NELL1: variants seen among roughly 807,000 people sequenced by gnomAD.
NELL1 encodes neural EGFL like 1, also known as protein kinase C-binding protein NELL1.
Under a neutral mutation model 107.4 loss-of-function variants are expected in NELL1, and 76 were observed. The observed-to-expected ratio is 0.71, with a 90% CI of 0.59 to 0.86. NELL1 has a LOEUF of 0.86. Among genes scored for constraint, NELL1 ranks in the 40% least tolerant of loss-of-function variants. The pLI is 0.00. For missense variants in NELL1, 1,024 were observed against 1,005.5 expected (o/e 1.02, Z -0.25); for synonymous variants, 353 against 341.2 (o/e 1.03, Z -0.38).
intron 14 of NELL1, among the ~76,000 whole-genome samples, chr11:21,265,729 G>A (rs1164685332): frequency 6.6e-6 from 1 of 151,872 alleles, no homozygotes; most frequent in East Asian, 1.9e-4. Flanking sequence ...ATAGTCTTGG[G>A]TTCTTAAAAC....
At chr11:20,815,494 T>A (rs1469147113) in intron 3 of NELL1, among the ~76,000 whole-genome samples, 1 of 152,186 alleles carries the variant, frequency 6.6e-6, no homozygotes, top group Non-Finnish European at 1.5e-5. Flanking sequence ...CTTTGCCCAT[T>A]TCTTAAATGG....
At chr11:21,117,684 T>G (rs1263022758) in intron 13 of NELL1, among the ~76,000 whole-genome samples, 1 of 152,042 alleles carries the variant, frequency 6.6e-6, no homozygotes, top group Non-Finnish European at 1.5e-5. Context: ...TTATGCTATT[T>G]GTCTATCTCT....
At chr11:21,503,169 C>CT (rs1202939963) in intron 15 of NELL1, among the ~76,000 whole-genome samples, 4 of 152,224 alleles carry the variant, frequency 2.6e-5, no homozygotes, top group African/African-American at 9.6e-5. Context: ...GCGTGAGCCA[C>CT]TGCACCCAGC....
chr11:21,108,510 A>T (rs1185795456), intron 12 of NELL1, among the ~76,000 whole-genome samples: 1 of 152,166 alleles, frequency 6.6e-6, no homozygotes, highest in Non-Finnish European at 1.5e-5. Flanking sequence ...CAAAAGCGAC[A>T]AGCAATTTAT....
At position 21,274,764 on chromosome 11, in the gene NELL1, T is replaced by C. The variant is rs532377279; in HGVS notation, c.1549+45310T>C. ...AGAAACTCACTCAAAACCGCTCAACTACATGGAAACTGAACAACCTGTTCC... is the reference window on the plus strand; with the variant it reads ...AGAAACTCACTCAAAACCGCTCAACCACATGGAAACTGAACAACCTGTTCC... On this transcript the variant is annotated intron_variant, in intron 14 of 19. Coordinates refer to ENST00000357134, the MANE Select transcript of NELL1 (RefSeq NM_006157.5). Among the ~76,000 whole-genome samples the C allele has an allele frequency of 1.2e-3, 188 of 152,276 alleles. 1 individual carries two copies. Among genetic ancestry groups the C allele is most frequent in the African/African-American group, 4.3e-3 (180 of 41,550 alleles).
rs1231650893 is a variant in NELL1 at position 20,768,209 on chromosome 11, C to T, written c.185-15471C>T. On this transcript the variant is annotated intron_variant, in intron 2 of 19. Coordinates refer to ENST00000357134, the MANE Select transcript of NELL1 (RefSeq NM_006157.5). ...TGCAAAGGAGATAGGTATTATGAGCCACAGAAAGGAAAATAGAGGTTAAAT... is the reference window on the plus strand; with the variant it reads ...TGCAAAGGAGATAGGTATTATGAGCTACAGAAAGGAAAATAGAGGTTAAAT... Among the ~76,000 whole-genome samples, 5 of 152,000 alleles carry T rather than the reference C, an allele frequency of 3.3e-5. No homozygotes were observed. The East Asian group carries it at 9.6e-4, about 29-fold the overall frequency.
chr11:21,039,616 C>A (rs567118419), intron 12 of NELL1, among the ~76,000 whole-genome samples: 1 of 152,182 alleles, frequency 6.6e-6, no homozygotes, highest in African/African-American at 2.4e-5. Flanking sequence ...GGGGAAGATG[C>A]GTACCAAGGT....
intron 13 of NELL1, among the ~76,000 whole-genome samples, chr11:21,208,854 A>G (rs960764177): frequency 2.0e-5 from 3 of 152,168 alleles, no homozygotes; most frequent in South Asian, 4.1e-4. Context: ...AGTTCCACCA[A>G]GGGTAATAGA....
At chr11:21,015,610 C>T (rs1852546703) in intron 12 of NELL1, among the ~76,000 whole-genome samples, 2 of 152,042 alleles carry the variant, frequency 1.3e-5, no homozygotes, top group Non-Finnish European at 1.5e-5. Flanking sequence ...GAAAGGTCAG[C>T]AGCTTCTGAA....
intron 1 of NELL1, among the ~76,000 whole-genome samples, chr11:20,677,076 C>G (rs959913718): frequency 6.6e-6 from 1 of 152,152 alleles, no homozygotes; most frequent in Non-Finnish European, 1.5e-5. Flanking sequence ...AGGAGGCTCA[C>G]GGCTGTATTT....
At position 20,778,705 on chromosome 11, in the gene NELL1, AT is replaced by A. The variant is rs1856797687; in HGVS notation, c.185-4973del. Among the ~76,000 whole-genome samples, 3 of 152,106 alleles carry A rather than the reference AT, an allele frequency of 2.0e-5. No homozygotes were observed. In the South Asian group the frequency reaches 6.2e-4, roughly 32 times the overall value. ...TTCCCCCGTTTTAAAAATGTGAAATATTCACTTTAAGTGGTTGTTGTGTGCG... is the reference window on the plus strand; with the variant it reads ...TTCCCCCGTTTTAAAAATGTGAAATATCACTTTAAGTGGTTGTTGTGTGCG... On this transcript the variant is annotated intron_variant, in intron 2 of 19. Transcript: ENST00000357134.
chr11:21,066,896 G>A (rs1400546887), intron 12 of NELL1, among the ~76,000 whole-genome samples: 2 of 152,028 alleles, frequency 1.3e-5, no homozygotes, highest in East Asian at 3.9e-4. Flanking sequence ...AGGGGTTGTA[G>A]TGAGCCAAGA....
At chr11:20,802,435 A>G (rs981128101) in intron 3 of NELL1, among the ~76,000 whole-genome samples, 23 of 148,948 alleles carry the variant, frequency 1.5e-4, no homozygotes, top group Non-Finnish European at 2.4e-4. Flanking sequence ...CTACAAGTTT[A>G]CTGAATTTGT....
intron 2 of NELL1, among the ~76,000 whole-genome samples, chr11:20,685,938 T>C (rs918445288): frequency 5.9e-5 from 9 of 152,108 alleles, no homozygotes; most frequent in Admixed American, 1.3e-4. Flanking sequence ...TGGAAGTATT[T>C]TGAGGCAGTA....
intron 14 of NELL1, among the ~76,000 whole-genome samples, chr11:21,327,789 G>T (rs1385400064): frequency 1.3e-5 from 2 of 152,134 alleles, no homozygotes; most frequent in Non-Finnish European, 2.9e-5. Flanking sequence ...TACTGAGGTG[G>T]TCTCGGATGG....
chr11:21,533,695 A>C (rs1001753595), intron 15 of NELL1, among the ~76,000 whole-genome samples: 1 of 152,216 alleles, frequency 6.6e-6, no homozygotes, highest in African/African-American at 2.4e-5. Flanking sequence ...CTCAAGAATG[A>C]TTGAAGAATG....
intron 9 of NELL1, among the ~76,000 whole-genome samples, chr11:20,933,336 G>A (rs767135311): frequency 6.6e-6 from 1 of 152,226 alleles, no homozygotes; most frequent in African/African-American, 2.4e-5. Flanking sequence ...CAGAGCGTCT[G>A]TAAGGGAGAA....
intron 12 of NELL1, among the ~76,000 whole-genome samples, chr11:21,064,119 C>T (rs1232891327): frequency 6.6e-6 from 1 of 152,128 alleles, no homozygotes; most frequent in Non-Finnish European, 1.5e-5. Context: ...AGTCAGGAAA[C>T]AGCTAGAAGG....
intron 17 of NELL1, among the ~76,000 whole-genome samples, chr11:21,566,336 A>G (rs1856972500): frequency 6.6e-6 from 1 of 151,882 alleles, no homozygotes. Flanking sequence ...ATATATCAGT[A>G]TTTACTGATA....
Sources: allele counts gnomAD v4.1 joint callset (sites outside exome capture counted in the v4.1 genomes callset), GRCh38; gene constraint gnomAD v4.1.1; transcripts MANE v1.5; gene names NCBI Gene and HGNC (gene_info 2026-07-23, HGNC 2026-07-21).